PPFIBP2: variants seen among roughly 807,000 people sequenced by gnomAD.
PPFIBP2 encodes the protein liprin-beta-2.
A neutral mutation model predicts 118.3 loss-of-function variants in PPFIBP2; 118 were observed. The ratio of observed to expected loss-of-function variants is 1.00; its 90% CI spans 0.86 to 1.16. The LOEUF (loss-of-function observed/expected upper bound fraction) is 1.16, where lower values mean the gene tolerates loss of function less well. PPFIBP2 is among the 50% of genes most tolerant of loss of function. PPFIBP2 has a pLI of 0.00. For synonymous variants in PPFIBP2, 414 were observed against 397.4 expected, an observed-to-expected ratio of 1.04 and a Z score of -0.50; for missense variants, 1,195 against 1,073.1, an observed-to-expected ratio of 1.11 and a Z score of -1.59.
chr11:7,652,825 T>C (rs1008794574), intron 23 of PPFIBP2, among the ~76,000 whole-genome samples, 199 bp from the exon 24 acceptor site: 1 of 152,210 alleles, frequency 6.6e-6, no homozygotes, highest in Admixed American at 6.5e-5. Flanking sequence ...GCTCTTATTG[T>C]TCAAGATTAT....
chr11:7,578,370 C>G (rs1590336756), intron 3 of PPFIBP2, among the ~76,000 whole-genome samples: 1 of 152,120 alleles, frequency 6.6e-6, no homozygotes, highest in South Asian at 2.1e-4. Context: ...GCAGGAAGGG[C>G]AAAAGCAGCT....
chr11:7,613,744 A>G (rs947338795), intron 6 of PPFIBP2, among the ~76,000 whole-genome samples: 7 of 152,194 alleles, frequency 4.6e-5, no homozygotes, highest in Non-Finnish European at 1.0e-4. Context: ...TGGCTTCTCC[A>G]TGCTGTGGAG....
intron 5 of PPFIBP2, among the ~76,000 whole-genome samples, chr11:7,602,047 C>G (rs570828958): frequency 2.2e-5 from 3 of 138,004 alleles, no homozygotes; most frequent in Non-Finnish European, 4.5e-5. Context: ...GAGCCAAGAT[C>G]ACGCCATTGC....
chr11:7,624,340 G>A (rs1325105897), intron 7 of PPFIBP2, among the ~76,000 whole-genome samples: 3 of 152,154 alleles, frequency 2.0e-5, no homozygotes, highest in Admixed American at 1.3e-4. Context: ...TTGTTTCCTC[G>A]GGTGGTTGCT....
the PPFIBP2 span, among the ~76,000 whole-genome samples, chr11:7,662,635 C>T: frequency 6.8e-6 from 1 of 146,956 alleles, no homozygotes; most frequent in East Asian, 2.1e-4. Flanking sequence ...CTTGGAGTTG[C>T]TCTTCTCGAG....
At chr11:7,615,508 G>T (rs1215645722) in intron 6 of PPFIBP2, among the ~76,000 whole-genome samples, 3 of 152,192 alleles carry the variant, frequency 2.0e-5, no homozygotes, top group African/African-American at 4.8e-5. Flanking sequence ...TGTTCCTGAT[G>T]CAGGTCTCCA....
the PPFIBP2 span, among the ~76,000 whole-genome samples, chr11:7,662,687 G>A: frequency 9.2e-3 from 1,363 of 147,674 alleles, 24 homozygotes; most frequent in African/African-American, 0.032. Flanking sequence ...GAATCTGAAC[G>A]TTGGCCTGCC....
In PPFIBP2 at chr11:7,607,246, C is replaced by T. The variant is rs573357435; in HGVS notation, c.487-3045C>T. On this transcript the variant is annotated intron_variant, in intron 5 of 23. Coordinates refer to ENST00000299492, the MANE Select transcript of PPFIBP2 (RefSeq NM_003621.5). ...TTTTTTTAAGACAGGGTCTCACTGT[C>T]GCCTAGGCTGGAGCACTGTGGCATG... 4.8e-5 allele frequency among the ~76,000 whole-genome samples: 7 copies of T among 144,390 alleles called. No individual in the cohort carries two copies. In the South Asian group the frequency reaches 1.4e-3, roughly 28 times the overall value. 94.7% of individuals were successfully genotyped at this position (144,390 alleles called of 152,430 possible). A position where few individuals can be genotyped will look rare whatever the true frequency, so the allele number is the denominator to read the frequency against.
intron 5 of PPFIBP2, among the ~76,000 whole-genome samples, chr11:7,607,370 G>A (rs1033604249): frequency 3.5e-4 from 52 of 147,386 alleles, no homozygotes; most frequent in African/African-American, 1.3e-3. Flanking sequence ...GCCACCACGG[G>A]TGCTAATTTT....
intron 3 of PPFIBP2, chr11:7,568,779 C>A (rs1279540902): frequency 6.6e-6 from 1 of 152,194 alleles, no homozygotes; most frequent in African/African-American, 2.4e-5. Context: ...ACTCAAGTTT[C>A]TAAGGAAAAG....
At chr11:7,549,919 G>A (rs185964536) in intron 2 of PPFIBP2, among the ~76,000 whole-genome samples, 2 of 152,298 alleles carry the variant, frequency 1.3e-5, no homozygotes, top group East Asian at 3.9e-4. Context: ...GCCACCTAAT[G>A]CAGGTGTCAG....
At chr11:7,660,853 A>G (rs563786806), downstream of PPFIBP2, among the ~76,000 whole-genome samples, 2 of 151,928 alleles carry the variant, frequency 1.3e-5, no homozygotes, top group South Asian at 4.2e-4. Context: ...CAGAGATTCA[A>G]CTTCTTCCTG....
intron 1 of PPFIBP2, among the ~76,000 whole-genome samples, chr11:7,542,333 C>G (rs1047036137): frequency 6.6e-6 from 1 of 152,210 alleles, no homozygotes; most frequent in Non-Finnish European, 1.5e-5. Context: ...GAGACAGATG[C>G]CGCATTAATT....
At chr11:7,554,091 T>C (rs1479663679) in intron 2 of PPFIBP2, among the ~76,000 whole-genome samples, 2 of 152,214 alleles carry the variant, frequency 1.3e-5, no homozygotes, top group East Asian at 3.8e-4. Flanking sequence ...CATTTAAATC[T>C]TCCTCTCTTT....
intron 1 of PPFIBP2, among the ~76,000 whole-genome samples, chr11:7,521,566 G>A (rs922624048): frequency 5.3e-5 from 8 of 152,292 alleles, no homozygotes; most frequent in African/African-American, 1.7e-4. Flanking sequence ...CCCCTAAGTC[G>A]TTTTTACTCT....
chr11:7,663,882 C>G, the PPFIBP2 span, among the ~76,000 whole-genome samples: 1 of 152,180 alleles, frequency 6.6e-6, no homozygotes, highest in South Asian at 2.1e-4. Flanking sequence ...CGGAAAAGCG[C>G]AGTATTCTGG....
chr11:7,525,730 A>G (rs760169030), intron 1 of PPFIBP2, among the ~76,000 whole-genome samples: 1 of 152,196 alleles, frequency 6.6e-6, no homozygotes, highest in Non-Finnish European at 1.5e-5. Context: ...CTACCCATCT[A>G]TGTGGAAAAG....
At chr11:7,625,975 G>A in intron 8 of PPFIBP2, 84 bp downstream of exon 8, 1 of 1,117,144 alleles carries the variant, frequency 9.0e-7, no homozygotes, top group East Asian at 2.6e-5. Flanking sequence ...CTATAAATGA[G>A]TGTGCATATG....
intron 3 of PPFIBP2, among the ~76,000 whole-genome samples, chr11:7,574,280 T>C (rs1357469846): frequency 6.6e-6 from 1 of 152,088 alleles, no homozygotes; most frequent in African/African-American, 2.4e-5. Context: ...TGACCCGTAT[T>C]TGTGTACCCT....
Sources: gnomAD v4.1 joint callset for allele counts (sites outside exome capture counted in the v4.1 genomes callset) on GRCh38, gnomAD v4.1.1 for gene constraint, MANE v1.5 for transcripts, NCBI Gene and HGNC (gene_info 2026-07-23, HGNC 2026-07-21) for gene names.